Variants in ABHD17C observed in about 807,000 individuals in gnomAD.
ABHD17C encodes abhydrolase domain containing 17C, depalmitoylase, also known as alpha/beta hydrolase domain-containing protein 17C.
ABHD17C carries 11 observed loss-of-function variants against 27.9 expected under a neutral mutation model. The observed-to-expected ratio is 0.39, with a 90% confidence interval of 0.25 to 0.65. ABHD17C has a LOEUF of 0.65. Among genes scored for constraint, ABHD17C ranks in the 30% least tolerant of loss-of-function variants. The pLI, the probability that ABHD17C is intolerant of heterozygous loss-of-function variation, is 0.45. For synonymous variants in ABHD17C, 233 were observed against 209.1 expected, an observed-to-expected ratio of 1.11 and a Z score of -0.98; for missense variants, 280 against 470.2, an observed-to-expected ratio of 0.60 and a Z score of 3.74.
intron 1 of ABHD17C, among the ~76,000 whole-genome samples, chr15:80,719,376 G>C (rs1894857149): frequency 6.6e-6 from 1 of 152,124 alleles, no homozygotes; most frequent in Non-Finnish European, 1.5e-5. Context: ...ATGTCCATGA[G>C]CTTTATTTCT....
chr15:80,712,335 T>G (rs1596062136), intron 1 of ABHD17C, among the ~76,000 whole-genome samples: 1 of 152,304 alleles, frequency 6.6e-6, no homozygotes, highest in East Asian at 1.9e-4. Flanking sequence ...CTCCTTTGAT[T>G]CTTGGAATGG....
intron 1 of ABHD17C, among the ~76,000 whole-genome samples, chr15:80,697,877 T>G (rs1486887525): frequency 6.6e-6 from 1 of 152,192 alleles, no homozygotes; most frequent in Non-Finnish European, 1.5e-5. Flanking sequence ...TGAAGGAACC[T>G]TATAGATCCT....
chr15:80,695,439 C>T lies in ABHD17C; in HGVS notation c.10C>T (p.Pro4Ser). Reference sequence around the variant, plus strand: ...GCACCAGGCCGTCCCGATGCCCGAGCCAGGCCCCAGGATGAACGGCTTCTC... The same window carrying T: ...GCACCAGGCCGTCCCGATGCCCGAGTCAGGCCCCAGGATGAACGGCTTCTC... MPE[P>S]GPRMNGFSLG... The change falls in exon 1 of 3, where the codon CCA (proline) becomes TCA (serine). Residue 4 changes from proline to serine, a missense_variant. Physicochemically the swap from Pro to Ser is moderately conservative, Grantham distance 74. Around this residue, in one of 2 missense-constraint regions of ABHD17C, gnomAD observed 74 missense variants for 75.5 expected, o/e 0.98. Transcript: ENST00000258884. This position sits in a 1 kb window ranked among gnomAD's most constrained non-coding sequence, Gnocchi z 4.3. 1 of 1,346,988 alleles carries T rather than the reference C, an allele frequency of 7.4e-7. No individual in the cohort carries two copies. 83.4% of individuals were successfully genotyped at this position (1,346,988 alleles called of 1,614,324 possible).
At chr15:80,729,617 C>T (rs1895029173) in intron 1 of ABHD17C, among the ~76,000 whole-genome samples, 1 of 152,116 alleles carries the variant, frequency 6.6e-6, no homozygotes, top group Admixed American at 6.5e-5. Flanking sequence ...TCTCCTTTTC[C>T]ACATTGCTTT....
At chr15:80,716,524 C>G (rs1184608129) in intron 1 of ABHD17C, among the ~76,000 whole-genome samples, 1 of 152,128 alleles carries the variant, frequency 6.6e-6, no homozygotes, top group African/African-American at 2.4e-5. Flanking sequence ...ACGATCATGT[C>G]TAGAGCCTCT....
chr15:80,725,987 G>T (rs1277166527), intron 1 of ABHD17C, among the ~76,000 whole-genome samples: 1 of 152,188 alleles, frequency 6.6e-6, no homozygotes, highest in Non-Finnish European at 1.5e-5. Context: ...AGAGCCGAGA[G>T]CCCCGAACAG....
chr15:80,714,605 G>T (rs887034441), intron 1 of ABHD17C, among the ~76,000 whole-genome samples: 1 of 152,154 alleles, frequency 6.6e-6, no homozygotes, highest in Non-Finnish European at 1.5e-5. Flanking sequence ...CAAGACGTAC[G>T]CTAGGGGTGC....
At chr15:80,714,309 C>T (rs532836629) in intron 1 of ABHD17C, among the ~76,000 whole-genome samples, 10 of 152,262 alleles carry the variant, frequency 6.6e-5, no homozygotes, top group South Asian at 2.1e-4. Context: ...CTGGTGTATC[C>T]GGCATTCCTT....
intron 1 of ABHD17C, among the ~76,000 whole-genome samples, chr15:80,728,204 C>T (rs1258597500): frequency 1.3e-5 from 2 of 152,142 alleles, no homozygotes; most frequent in South Asian, 2.1e-4. Context: ...TGCCACGTGC[C>T]TTCTAATAAT....
chr15:80,726,378 A>G (rs2141506891), intron 1 of ABHD17C, among the ~76,000 whole-genome samples: 1 of 152,216 alleles, frequency 6.6e-6, no homozygotes, highest in East Asian at 1.9e-4. Flanking sequence ...CCTGCTCCCA[A>G]CATTGCTGTT....
chr15:80,718,445 G>A (rs1449365225), intron 1 of ABHD17C, among the ~76,000 whole-genome samples: 1 of 152,104 alleles, frequency 6.6e-6, no homozygotes, highest in Non-Finnish European at 1.5e-5. Flanking sequence ...TGATTCTCCT[G>A]CCTCCGCCTC....
intron 1 of ABHD17C, 66 bp downstream of exon 1, chr15:80,696,085 G>A: frequency 4.2e-6 from 6 of 1,444,558 alleles, no homozygotes; most frequent in Non-Finnish European, 5.6e-6. Context: ...GGTCTCTTGG[G>A]GCCCCTGGGG....
intron 1 of ABHD17C, among the ~76,000 whole-genome samples, chr15:80,740,938 T>C (rs1456328979): frequency 1.3e-5 from 2 of 152,166 alleles, no homozygotes; most frequent in East Asian, 3.9e-4. Context: ...ACAGATTTCA[T>C]GAAGTCCAGG....
At chr15:80,703,641 G>T (rs1216770962) in intron 1 of ABHD17C, among the ~76,000 whole-genome samples, 1 of 152,258 alleles carries the variant, frequency 6.6e-6, no homozygotes, top group Non-Finnish European at 1.5e-5. Flanking sequence ...CTATGTATAT[G>T]AGTGTGCGTG....
At chr15:80,749,860 A>G (rs1392231230) in intron 2 of ABHD17C, among the ~76,000 whole-genome samples, 168 bp downstream of exon 2, 1 of 152,194 alleles carries the variant, frequency 6.6e-6, no homozygotes, top group African/African-American at 2.4e-5. Context: ...CTGTCCAGAG[A>G]TTTTATCCTC....
At chr15:80,746,472 T>C (rs1195341418) in intron 1 of ABHD17C, among the ~76,000 whole-genome samples, 1 of 152,146 alleles carries the variant, frequency 6.6e-6, no homozygotes, top group Non-Finnish European at 1.5e-5. Flanking sequence ...CTTTTTTGTG[T>C]TTTACCTGGT....
rs1286434559 is a variant in ABHD17C, at chr15:80,695,706, G to A, written c.277G>A (p.Glu93Lys). ...GPGACSLHLS[E>K]RADWQYSQRE... is the part of the protein sequence containing the mutation. ...CGGTGCGTGCAGCCTGCACCTCAGC[G>A]AGCGCGCCGACTGGCAGTACTCGCA... The change falls in exon 1 of 3, where the codon GAG becomes AAG. Residue 93 changes from glutamate to lysine, a missense_variant. Glu to Lys is a moderately conservative substitution (Grantham distance 56). Transcript: ENST00000258884. The surrounding 1 kb of genome is among the most constrained non-coding windows in gnomAD (Gnocchi z 4.3). 2 of 1,531,658 alleles carry A rather than the reference G, an allele frequency of 1.3e-6. No homozygotes were observed. Among genetic ancestry groups the A allele is most frequent in the Admixed American group, 2.0e-5 (1 of 50,826 alleles). The allele number at this position is 1,531,658 out of a possible 1,614,324, so 94.9% of individuals were successfully genotyped here.
intron 1 of ABHD17C, among the ~76,000 whole-genome samples, chr15:80,732,206 G>A (rs1032056899): frequency 2.0e-5 from 3 of 152,152 alleles, no homozygotes; most frequent in Admixed American, 6.5e-5. Flanking sequence ...CCCAGAGCAG[G>A]GTTGGACCAC....
At chr15:80,705,732 A>T (rs2141491858) in intron 1 of ABHD17C, among the ~76,000 whole-genome samples, 1 of 152,304 alleles carries the variant, frequency 6.6e-6, no homozygotes, top group Non-Finnish European at 1.5e-5. Flanking sequence ...GAGGAACGGT[A>T]AAGGTGTTTT....
Sources: allele counts gnomAD v4.1 joint callset (sites outside exome capture counted in the v4.1 genomes callset), GRCh38; gene constraint gnomAD v4.1.1; regional missense constraint gnomAD v4.1.1; non-coding constraint Gnocchi (gnomAD v3.1); transcripts MANE v1.5; gene names NCBI Gene and HGNC (gene_info 2026-07-23, HGNC 2026-07-21).